Variants in KIF4A observed in about 807,000 individuals in gnomAD.
KIF4A encodes the protein chromosome-associated kinesin KIF4A.
In KIF4A, 7 loss-of-function variants were observed where a neutral mutation model predicts 105.9. The observed-to-expected ratio is 0.07, with a 90% confidence interval of 0.04 to 0.12. The LOEUF (loss-of-function observed/expected upper bound fraction) is 0.12. KIF4A is among the 10% of genes least tolerant of loss of function. The probability of loss-of-function intolerance (pLI) is 1.00; values close to 1 mark genes in which losing one functional copy is unlikely to be tolerated. For synonymous variants in KIF4A, 281 were observed against 331.3 expected (o/e 0.85, Z 1.65); for missense variants, 558 against 929.2 (o/e 0.60, Z 5.19).
At chrX:70,356,597 C>T (rs1395677463) in intron 15 of KIF4A, among the ~76,000 whole-genome samples, 3 of 112,095 alleles carry the variant, frequency 2.7e-5, no homozygotes, top group African/African-American at 6.5e-5. Flanking sequence ...TAATTTTTAT[C>T]TATGTCAAAC....
intron 15 of KIF4A, among the ~76,000 whole-genome samples, chrX:70,363,848 A>G (rs912006575): frequency 5.3e-5 from 6 of 112,180 alleles, no homozygotes; most frequent in Non-Finnish European, 3.8e-5. Flanking sequence ...ACTAGTTTCC[A>G]GTCCCACCAA....
intron 15 of KIF4A, among the ~76,000 whole-genome samples, chrX:70,369,662 A>C (rs1035193569): frequency 8.9e-6 from 1 of 112,045 alleles, no homozygotes; most frequent in Admixed American, 9.5e-5. Context: ...AAAAAAAATG[A>C]GGCAGATCTG....
chrX:70,344,791 C>T, intron 13 of KIF4A, among the ~76,000 whole-genome samples: 1 of 111,266 alleles, frequency 9.0e-6, no homozygotes. Flanking sequence ...CTGGTCTTGC[C>T]CAGTGTTTTC....
chrX:70,290,829 C>T lies in KIF4A; in HGVS notation c.235+24C>T, dbSNP rs745555948. 11 of 1,006,970 alleles carry T rather than the reference C, an allele frequency of 1.1e-5. No homozygotes were observed. In the East Asian group the frequency reaches 1.8e-4, roughly 17 times the overall value. 83.0% of individuals were successfully genotyped at this position (1,006,970 alleles called of 1,213,427 possible). On this transcript the variant is annotated intron_variant, in intron 3 of 30. Coordinates refer to ENST00000374403, the MANE Select transcript of KIF4A (RefSeq NM_012310.5). ...AGGTAAGGCGATTTGATTCCTCGAA[C>T]GTAACATATATATTCCTTGAGCATA...
At chrX:70,328,089 A>G (rs959011963) in intron 7 of KIF4A, among the ~76,000 whole-genome samples, 1 of 112,326 alleles carries the variant, frequency 8.9e-6, no homozygotes, top group Non-Finnish European at 1.9e-5. Context: ...TCTCATAAAT[A>G]TAATTGTTTC....
At chrX:70,375,069 T>G (rs1161445597) in intron 16 of KIF4A, 135 bp from the exon 17 acceptor site, 1 of 702,930 alleles carries the variant, frequency 1.4e-6, no homozygotes, top group East Asian at 3.6e-5. Flanking sequence ...GGTGGTATTC[T>G]TTTTTTAAGA....
chrX:70,295,705 C>G (rs558056003), intron 3 of KIF4A, among the ~76,000 whole-genome samples: 9 of 109,035 alleles, frequency 8.3e-5, no homozygotes, highest in South Asian at 8.2e-4. Context: ...ATCACAAGGT[C>G]AGGAGATCAA....
intron 7 of KIF4A, among the ~76,000 whole-genome samples, chrX:70,319,894 CCCACCTTGCCAAAACCA>C: frequency 9.0e-6 from 1 of 111,630 alleles, no homozygotes; most frequent in African/African-American, 3.3e-5. Flanking sequence ...TCTGTCTTTA[CCCACCTTGCCAAAACCA>C]CTATGTAAGA....
chrX:70,344,792 C>T (rs1207295456), intron 13 of KIF4A, among the ~76,000 whole-genome samples: 1 of 111,461 alleles, frequency 9.0e-6, no homozygotes, highest in Non-Finnish European at 1.9e-5. Context: ...TGGTCTTGCC[C>T]AGTGTTTTCT....
intron 4 of KIF4A, among the ~76,000 whole-genome samples, chrX:70,297,878 A>T (rs973064778): frequency 1.8e-5 from 2 of 112,025 alleles, no homozygotes; most frequent in Non-Finnish European, 3.8e-5. Context: ...TTAAACTTAT[A>T]TAATTTAAGC....
At chrX:70,329,762 T>G (rs916071888) in intron 8 of KIF4A, among the ~76,000 whole-genome samples, 2 of 112,143 alleles carry the variant, frequency 1.8e-5, no homozygotes, top group East Asian at 5.6e-4. Flanking sequence ...ACTTTACACC[T>G]GAAAGTGAAT....
chrX:70,290,277 G>C (rs2085752755), intron 1 of KIF4A, 127 bp downstream of exon 1: 1 of 540,158 alleles, frequency 1.9e-6, no homozygotes, highest in Admixed American at 4.1e-5. Context: ...ACTCTCTTTA[G>C]AGTGCAGGGC....
intron 3 of KIF4A, among the ~76,000 whole-genome samples, chrX:70,295,091 T>C (rs2085776381): frequency 8.9e-6 from 1 of 111,872 alleles, no homozygotes; most frequent in Non-Finnish European, 1.9e-5. Context: ...GAGTGCTGAG[T>C]AACTAGTAAT....
chrX:70,341,665 C>T, intron 10 of KIF4A, 134 bp from the exon 11 acceptor site: 3 of 610,166 alleles, frequency 4.9e-6, no homozygotes, highest in Admixed American at 4.1e-5. Context: ...CACACTTTTC[C>T]CAGACTTTTG....
intron 15 of KIF4A, among the ~76,000 whole-genome samples, chrX:70,367,865 C>T (rs918698082): frequency 5.8e-4 from 65 of 112,082 alleles, no homozygotes; most frequent in African/African-American, 2.0e-3. Context: ...TGGTTCCATT[C>T]TCCCCGTCAC....
chrX:70,392,517 C>G (rs1423024319), intron 20 of KIF4A, among the ~76,000 whole-genome samples: 1 of 110,651 alleles, frequency 9.0e-6, no homozygotes, highest in East Asian at 2.8e-4. Context: ...AAATCTCAGC[C>G]AGGTGCGATT....
At chrX:70,409,828 G>A (rs1433864895) in intron 28 of KIF4A, among the ~76,000 whole-genome samples, 1 of 109,136 alleles carries the variant, frequency 9.2e-6, no homozygotes, top group African/African-American at 3.3e-5. Context: ...AAAAAAAATG[G>A]TAGAGGGCCT....
At chrX:70,403,396 T>C (rs1418287550) in intron 23 of KIF4A, among the ~76,000 whole-genome samples, 2 of 112,648 alleles carry the variant, frequency 1.8e-5, no homozygotes, top group Admixed American at 1.9e-4. Flanking sequence ...GTGTAGGATA[T>C]GTAGCCTGAA....
chrX:70,293,624 G>A (rs1234572984), intron 3 of KIF4A, among the ~76,000 whole-genome samples: 2 of 112,282 alleles, frequency 1.8e-5, no homozygotes, highest in African/African-American at 3.2e-5. Flanking sequence ...ATACACCTGA[G>A]CCTACTGCTC....
Sources: allele counts gnomAD v4.1 joint callset (sites outside exome capture counted in the v4.1 genomes callset), GRCh38; gene constraint gnomAD v4.1.1; transcripts MANE v1.5; gene names NCBI Gene and HGNC (gene_info 2026-07-23, HGNC 2026-07-21).